ZFC3H1: variants seen among roughly 807,000 people sequenced by gnomAD.
The protein encoded by ZFC3H1 is zinc finger C3H1-type containing, also known as zinc finger C3H1 domain-containing protein.
ZFC3H1 carries 71 observed loss-of-function variants against 243.7 expected under a neutral mutation model. The observed-to-expected ratio is 0.29, with a 90% CI of 0.24 to 0.36. ZFC3H1 has a LOEUF of 0.36. Among genes scored for constraint, ZFC3H1 ranks in the 10% least tolerant of loss-of-function variants. The pLI, the probability that ZFC3H1 is intolerant of heterozygous loss-of-function variation, is 1.00. For synonymous variants in ZFC3H1, 838 were observed against 813.0 expected, an observed-to-expected ratio of 1.03 and a Z score of -0.52; for missense variants, 1,966 against 2,317.1, an observed-to-expected ratio of 0.85 and a Z score of 3.11.
Position 71,663,212 on chromosome 12 carries a change from G to A in ZFC3H1, c.399C>T (p.Phe133=), listed in dbSNP as rs751925956. ...CCAAGGCGAGGTGGCTCCGCTCCCA[G>A]AAAGACGGCCGGGGACTGCTTTCGG... The part of the protein sequence containing the change: ...SLSESSPRPS[F]WERSHLALDR... Residue 133 remains phenylalanine, a synonymous_variant, in exon 1 of 35, where the codon TTC becomes TTT. Coordinates refer to ENST00000378743, the MANE Select transcript of ZFC3H1 (RefSeq NM_144982.5). 7 of 1,614,058 alleles carry A rather than the reference G, an allele frequency of 4.3e-6. No homozygotes were observed. In the South Asian group the frequency reaches 4.4e-5, roughly 10 times the overall value.
intron 3 of ZFC3H1, among the ~76,000 whole-genome samples, chr12:71,645,322 G>A (rs777065222): frequency 3.9e-5 from 6 of 152,080 alleles, no homozygotes; most frequent in Non-Finnish European, 8.8e-5. Flanking sequence ...TTGGTAAGGC[G>A]GTACAACTGA....
chr12:71,648,163 T>C (rs1880774262), intron 2 of ZFC3H1, among the ~76,000 whole-genome samples: 1 of 152,208 alleles, frequency 6.6e-6, no homozygotes, highest in African/African-American at 2.4e-5. Context: ...TTATCCACAC[T>C]GATAGAATAT....
At chr12:71,657,376 G>C in intron 1 of ZFC3H1, 75 bp from the exon 2 acceptor site, 1 of 1,084,480 alleles carries the variant, frequency 9.2e-7, no homozygotes, top group East Asian at 2.6e-5. Flanking sequence ...TTAGATTATA[G>C]ATGAATTTTC....
intron 18 of ZFC3H1, among the ~76,000 whole-genome samples, chr12:71,630,352 TA>T (rs1880291302): frequency 6.6e-6 from 1 of 152,312 alleles, no homozygotes; most frequent in African/African-American, 2.4e-5. Flanking sequence ...GGAAATGTCT[TA>T]AATCTGTGCT....
chr12:71,655,599 T>C (rs371682808), intron 2 of ZFC3H1, among the ~76,000 whole-genome samples: 5 of 152,234 alleles, frequency 3.3e-5, no homozygotes, highest in South Asian at 4.1e-4. Context: ...ACAAAAAATA[T>C]AGAGTTTACA....
In ZFC3H1 at chr12:71,619,329, G is replaced by A. The variant is rs911241704; in HGVS notation, c.5130C>T (p.Asn1710=). 2 of 1,613,592 alleles carry A rather than the reference G, an allele frequency of 1.2e-6. No homozygotes were observed. Among genetic ancestry groups the A allele is most frequent in the Non-Finnish European group, 1.7e-6 (2 of 1,179,730 alleles). Reference sequence around the variant, plus strand: ...CTACAACTTACCGAAACAGATCCAAGTTATTATACTTCTCAAACCCCGGTT... The same window carrying A: ...CTACAACTTACCGAAACAGATCCAAATTATTATACTTCTCAAACCCCGGTT... ...FFKPGFEKYN[N]LDLFRYLLNI... Residue 1710 remains asparagine (N), a synonymous_variant, in exon 27 of 35, where the codon AAC becomes AAT. Transcript: ENST00000378743.
At chr12:71,653,176 A>G (rs1339867574) in intron 2 of ZFC3H1, among the ~76,000 whole-genome samples, 1 of 152,204 alleles carries the variant, frequency 6.6e-6, no homozygotes, top group Non-Finnish European at 1.5e-5. Flanking sequence ...CAGGGAGAAG[A>G]AAAGTGGAAA....
intron 5 of ZFC3H1, 41 bp from the exon 6 acceptor site, chr12:71,642,600 T>A (rs1376735502): frequency 6.4e-7 from 1 of 1,572,198 alleles, no homozygotes; most frequent in South Asian, 1.2e-5. Context: ...GCATTTTCTG[T>A]CTTGGGTTAC....
intron 6 of ZFC3H1, chr12:71,639,381 T>C (rs1880543710): frequency 8.9e-6 from 2 of 225,464 alleles, no homozygotes; most frequent in Admixed American, 5.2e-5. Flanking sequence ...CAGATGTGGC[T>C]GCTGTGTCAC....
intron 32 of ZFC3H1, 53 bp downstream of exon 32, chr12:71,611,733 C>A: frequency 1.8e-6 from 2 of 1,111,558 alleles, no homozygotes; most frequent in African/African-American, 3.2e-5. Context: ...CTGGAGCAAA[C>A]CTTATAAATA....
chr12:71,634,644 TA>T, intron 11 of ZFC3H1, 59 bp downstream of exon 11: 1 of 1,519,884 alleles, frequency 6.6e-7, no homozygotes, highest in Non-Finnish European at 8.8e-7. Flanking sequence ...AGAAACTCTA[TA>T]AGAGAAGTTT....
chr12:71,624,830 G>A (rs991147791), intron 22 of ZFC3H1, among the ~76,000 whole-genome samples: 6 of 152,148 alleles, frequency 3.9e-5, no homozygotes. Flanking sequence ...AGCCAGGCAC[G>A]GTGGTGCATG....
chr12:71,614,741 A>G, intron 29 of ZFC3H1, 41 bp from the exon 30 acceptor site: 1 of 1,589,554 alleles, frequency 6.3e-7, no homozygotes, highest in Non-Finnish European at 8.6e-7. Context: ...TAACTAAGAC[A>G]GTAGTTCTCT....
At chr12:71,655,396 T>C (rs1016524797) in intron 2 of ZFC3H1, among the ~76,000 whole-genome samples, 6 of 152,088 alleles carry the variant, frequency 3.9e-5, no homozygotes, top group African/African-American at 1.4e-4. Flanking sequence ...AGTCAAACTT[T>C]ATGGCCTAAA....
intron 21 of ZFC3H1, among the ~76,000 whole-genome samples, chr12:71,627,260 C>G (rs1880193726): frequency 6.6e-6 from 1 of 151,986 alleles, no homozygotes; most frequent in African/African-American, 2.4e-5. Context: ...TAAGTTATTA[C>G]CATTTACCTT....
chr12:71,628,980 T>C lies in ZFC3H1; in HGVS notation c.3884A>G (p.Lys1295Arg), dbSNP rs1284887574. ...KRKWKPKFWRKPISDNSFSSD... is the reference protein window; with the variant it reads ...KRKWKPKFWRRPISDNSFSSD... ...ACTGAAGCTATTATCTGAAATAGGT[T>C]TTCTCCAAAACTTTGGCTTCCACTT... Residue 1295 changes from lysine to arginine, a missense_variant, in exon 20 of 35, where the codon AAA becomes AGA. Transcript: ENST00000378743. The C allele has an allele frequency of 6.2e-7, 1 of 1,613,340 alleles. No individual in the cohort carries two copies. The highest frequency in any genetic ancestry group is 1.3e-5 in the African/African-American group (1 of 74,882).
chr12:71,638,184 AC>A (rs1397817287), intron 7 of ZFC3H1, among the ~76,000 whole-genome samples: 1 of 152,174 alleles, frequency 6.6e-6, no homozygotes, highest in Non-Finnish European at 1.5e-5. Context: ...GAAGAAGGAA[AC>A]ATGATAGGTA....
chr12:71,623,935 A>C (rs1880094097), intron 23 of ZFC3H1, among the ~76,000 whole-genome samples, 169 bp downstream of exon 23: 1 of 152,252 alleles, frequency 6.6e-6, no homozygotes, highest in Non-Finnish European at 1.5e-5. Context: ...CAAATGAGGA[A>C]ATAAAGTCAT....
At position 71,632,034 on chromosome 12, in the gene ZFC3H1, T is replaced by G; in HGVS notation, c.3298A>C (p.Ser1100Arg). 2 of 1,608,414 alleles carry G rather than the reference T, an allele frequency of 1.2e-6. No homozygotes were observed. Among genetic ancestry groups the G allele is most frequent in the Non-Finnish European group, 1.7e-6 (2 of 1,178,314 alleles). The change falls in exon 15 of 35, where the codon AGC becomes CGC. Residue 1100 changes from serine to arginine, a missense_variant. Physicochemically the swap from Ser to Arg is moderately radical, Grantham distance 110. Transcript: ENST00000378743. The part of the protein sequence containing the change: ...ELQKLYSKAD[S>R]LKQLILKTTT... ...GTTTTTAAAATCAGCTGTTTTAGGC[T>G]GTCAGCTTTTGAATACAATTTTTGC... is the stretch of plus-strand genomic sequence containing the variant.
Sources: allele counts gnomAD v4.1 joint callset (sites outside exome capture counted in the v4.1 genomes callset), GRCh38; gene constraint gnomAD v4.1.1; transcripts MANE v1.5; gene names NCBI Gene and HGNC (gene_info 2026-07-23, HGNC 2026-07-21).